The following CATSPERE variants were observed in gnomAD, a reference collection of about 807,000 sequenced individuals.
CATSPERE encodes the protein cation channel sperm-associated auxiliary subunit epsilon.
In CATSPERE, 93 loss-of-function variants were observed where a neutral mutation model predicts 114.1. That is an observed-to-expected ratio of 0.81 (90% CI 0.69 to 0.97). CATSPERE has a LOEUF of 0.97. CATSPERE is among the 50% of genes least tolerant of loss of function. CATSPERE has a pLI of 0.00. For synonymous variants in CATSPERE, 341 were observed against 384.1 expected (o/e 0.89, Z 1.31); for missense variants, 1,058 against 1,131.6 (o/e 0.93, Z 0.93).
intron 2 of CATSPERE, among the ~76,000 whole-genome samples, chr1:244,468,088 G>GTT (rs537042738): frequency 2.8e-5 from 4 of 141,842 alleles, no homozygotes; most frequent in Admixed American, 7.0e-5. Flanking sequence ...CCATTTTATT[G>GTT]TTTTTTTTTT....
chr1:244,535,481 C>G (rs1045708360), intron 8 of CATSPERE, among the ~76,000 whole-genome samples: 1 of 152,180 alleles, frequency 6.6e-6, no homozygotes, highest in Admixed American at 6.5e-5. Context: ...AAGACATAGC[C>G]CTTTCCACTC....
intron 8 of CATSPERE, among the ~76,000 whole-genome samples, chr1:244,520,901 G>A (rs921043624): frequency 6.6e-6 from 1 of 152,200 alleles, no homozygotes; most frequent in Admixed American, 6.5e-5. Context: ...CATTGAGGAA[G>A]GGAAGAGAGC....
chr1:244,613,428 CAG>C (rs1326331114), intron 19 of CATSPERE, among the ~76,000 whole-genome samples: 11 of 152,088 alleles, frequency 7.2e-5, no homozygotes, highest in Non-Finnish European at 1.2e-4. Context: ...AAAACAACGT[CAG>C]AGTTTATCGA....
intron 13 of CATSPERE, among the ~76,000 whole-genome samples, chr1:244,585,697 C>T (rs1197306604): frequency 6.6e-6 from 1 of 152,142 alleles, no homozygotes; most frequent in Admixed American, 6.5e-5. Flanking sequence ...GAAGTTAGGC[C>T]CTTGCTAAAC....
At position 244,604,131 on chromosome 1, in the gene CATSPERE, G is replaced by A. The variant is rs148652939; in HGVS notation, c.2304-1564G>A. Among the ~76,000 whole-genome samples, 186 of 152,310 alleles carry A rather than the reference G, an allele frequency of 1.2e-3. 2 individuals carry two copies. The highest frequency in any genetic ancestry group is 4.4e-3 in the African/African-American group (181 of 41,564). ...TCTCTGAAACTATACAAAAATACAT[G>A]TATGCCTGCACATGTGTGCATTTGT... On this transcript the variant is annotated intron_variant, in intron 17 of 21. Transcript: ENST00000366534.
intron 2 of CATSPERE, among the ~76,000 whole-genome samples, chr1:244,468,383 C>T (rs1558311400): frequency 6.6e-6 from 1 of 152,154 alleles, no homozygotes; most frequent in Non-Finnish European, 1.5e-5. Context: ...TGAACCACCA[C>T]ACCCAGCCTT....
chr1:244,479,698 C>A lies in CATSPERE; in HGVS notation c.259-19C>A. On this transcript the variant is annotated intron_variant, in intron 4 of 21. Coordinates refer to ENST00000366534, the MANE Select transcript of CATSPERE (RefSeq NM_001130957.2). ...ATTTAATGTTAATATATCACAGTTT[C>A]TTTTGCATTTTCTTTTAGGATGAAG... is the stretch of plus-strand genomic sequence containing the variant. 2 of 1,534,690 alleles carry A rather than the reference C, an allele frequency of 1.3e-6. No individual in the cohort carries two copies. Among genetic ancestry groups the A allele is most frequent in the South Asian group, 1.2e-5 (1 of 86,774 alleles).
chr1:244,595,635 C>G (rs757518482), intron 17 of CATSPERE, among the ~76,000 whole-genome samples: 4 of 152,090 alleles, frequency 2.6e-5, no homozygotes, highest in Non-Finnish European at 5.9e-5. Flanking sequence ...GTGGCATGAT[C>G]AAATATTTGC....
At chr1:244,466,725 T>C (rs1360875842) in intron 2 of CATSPERE, among the ~76,000 whole-genome samples, 1 of 152,126 alleles carries the variant, frequency 6.6e-6, no homozygotes, top group African/African-American at 2.4e-5. Context: ...CCACTAATTT[T>C]TAGGTTTATC....
At chr1:244,632,393 C>CAAAAAAAAA (rs35948602) in intron 20 of CATSPERE, among the ~76,000 whole-genome samples, 1 of 109,380 alleles carries the variant, frequency 9.1e-6, no homozygotes, top group African/African-American at 3.7e-5. Context: ...GACTCCAACT[C>CAAAAAAAAA]AAAAAAAAAA....
chr1:244,537,168 T>C (rs1680513171), intron 8 of CATSPERE, among the ~76,000 whole-genome samples: 2 of 151,394 alleles, frequency 1.3e-5, no homozygotes, highest in African/African-American at 2.4e-5. Flanking sequence ...TTTTGTATGC[T>C]TTCTTTAGAC....
chr1:244,528,445 AAAATT>A (rs754274082), intron 8 of CATSPERE, among the ~76,000 whole-genome samples: 6 of 152,232 alleles, frequency 3.9e-5, no homozygotes, highest in Non-Finnish European at 8.8e-5. Flanking sequence ...CAAAACTAGA[AAAATT>A]AAATAGTACA....
intron 20 of CATSPERE, among the ~76,000 whole-genome samples, chr1:244,628,112 G>A (rs1451730560): frequency 6.6e-6 from 1 of 152,158 alleles, no homozygotes; most frequent in South Asian, 2.1e-4. Context: ...CTGTCATGTC[G>A]TTATAATTGT....
At chr1:244,526,654 T>C (rs1249818961) in intron 8 of CATSPERE, among the ~76,000 whole-genome samples, 2 of 150,288 alleles carry the variant, frequency 1.3e-5, no homozygotes, top group Non-Finnish European at 3.0e-5. Context: ...CTTTTTCTTT[T>C]TTTTTTTTTT....
In CATSPERE at chr1:244,518,601, G is replaced by C. The variant is rs776467078; in HGVS notation, c.439G>C (p.Val147Leu). The change falls in exon 8 of 22, where the codon GTA (valine) becomes CTA (leucine). Residue 147 changes from valine (V) to leucine (L), a missense_variant. Transcript: ENST00000366534. ...TAATTTGTTTTTACAGAATTCCATA[G>C]TACTCAGCACACAGATGGCCACATT... ...NAEEPSINSI[V>L]LSTQMATLGQ... is the part of the protein sequence containing the mutation. 90 of 1,568,076 alleles carry C rather than the reference G, an allele frequency of 5.7e-5. No homozygotes were observed. The highest frequency in any genetic ancestry group is 7.3e-5 in the Non-Finnish European group (83 of 1,140,828).
intron 2 of CATSPERE, among the ~76,000 whole-genome samples, chr1:244,474,737 C>CT (rs751024910): frequency 0.075 from 9,456 of 126,404 alleles, 453 homozygotes; most frequent in African/African-American, 0.12. Context: ...TTTTCTTCTT[C>CT]TTTTTTTTTT....
At chr1:244,610,502 G>A (rs763727058) in intron 19 of CATSPERE, 176 bp downstream of exon 19, 22 of 687,422 alleles carry the variant, frequency 3.2e-5, no homozygotes, top group South Asian at 1.2e-4. Flanking sequence ...TAATTTCTGT[G>A]TGATCTTTTG....
chr1:244,585,519 A>G (rs1411122382), intron 13 of CATSPERE, among the ~76,000 whole-genome samples: 2 of 152,218 alleles, frequency 1.3e-5, no homozygotes, highest in Admixed American at 6.5e-5. Flanking sequence ...CAAGGAAATC[A>G]AAACATGCAC....
intron 19 of CATSPERE, among the ~76,000 whole-genome samples, chr1:244,610,898 C>T (rs1228471247): frequency 1.3e-5 from 2 of 151,886 alleles, no homozygotes; most frequent in East Asian, 1.9e-4. Context: ...GTAGCTGGGA[C>T]TACAGGCATG....
Sources: gnomAD v4.1 joint callset for allele counts (sites outside exome capture counted in the v4.1 genomes callset) on GRCh38, gnomAD v4.1.1 for gene constraint, MANE v1.5 for transcripts, NCBI Gene and HGNC (gene_info 2026-07-23, HGNC 2026-07-21) for gene names.